Variants in COL4A5 observed in about 807,000 individuals in gnomAD.
COL4A5 encodes the protein collagen type IV alpha 5 chain, also known as collagen alpha-5(IV) chain.
Under a neutral mutation model 130.2 loss-of-function variants are expected in COL4A5, and 26 were observed. That is an observed-to-expected ratio of 0.20 (90% CI 0.15 to 0.28). The LOEUF is 0.28. Among genes scored for constraint, COL4A5 ranks in the 10% least tolerant of loss-of-function variants. The probability of loss-of-function intolerance (pLI) is 1.00; values close to 1 mark genes in which losing one functional copy is unlikely to be tolerated. For synonymous variants in COL4A5, 496 were observed against 439.6 expected (o/e 1.13, Z -1.60); for missense variants, 1,131 against 1,344.3 (o/e 0.84, Z 2.48).
chrX:108,547,031 T>A (rs2147686209), intron 2 of COL4A5, among the ~76,000 whole-genome samples: 1 of 111,963 alleles, frequency 8.9e-6, no homozygotes, highest in African/African-American at 3.2e-5. Context: ...TCAAGGTTTT[T>A]AACTTGTTTG....
chrX:108,608,938 T>G (rs1168416506), intron 29 of COL4A5, among the ~76,000 whole-genome samples: 4 of 111,681 alleles, frequency 3.6e-5, no homozygotes, highest in Non-Finnish European at 7.5e-5. Flanking sequence ...GAGGCTTCTT[T>G]CACTCAACAT....
At chrX:108,541,146 C>G (rs2065533807) in intron 2 of COL4A5, among the ~76,000 whole-genome samples, 1 of 111,970 alleles carries the variant, frequency 8.9e-6, no homozygotes, top group South Asian at 3.7e-4. Context: ...CCCATTTGAC[C>G]ATGTTATAGA....
In COL4A5 at chrX:108,580,405, A is replaced by G. The variant is rs1569490864; in HGVS notation, c.781-128A>G. The G allele has an allele frequency of 6.7e-6, 4 of 600,594 alleles. No individual in the cohort carries two copies. The South Asian group carries it at 6.7e-5, about 10-fold the overall frequency. The allele number at this position is 600,594 out of a possible 1,213,427, so 49.5% of individuals were successfully genotyped here. ...AGGATTATAGCCTCCAGCTCTAACCATGTTGCTCCAACATAGATGTAGCTG... is the reference window on the plus strand; with the variant it reads ...AGGATTATAGCCTCCAGCTCTAACCGTGTTGCTCCAACATAGATGTAGCTG... On this transcript the variant is annotated intron_variant, in intron 13 of 52. Transcript: ENST00000328300.
At chrX:108,451,165 G>C (rs1457625006) in intron 1 of COL4A5, among the ~76,000 whole-genome samples, 1 of 111,010 alleles carries the variant, frequency 9.0e-6, no homozygotes, top group East Asian at 2.8e-4. Context: ...CCCTACAAAG[G>C]ACAGGAACTC....
At chrX:108,695,513 G>T in intron 52 of COL4A5, 74 bp downstream of exon 52, 1 of 1,009,450 alleles carries the variant, frequency 9.9e-7, no homozygotes, top group Non-Finnish European at 1.4e-6. Context: ...GACAATTTAT[G>T]GATGGTTTAT....
At chrX:108,495,599 T>G (rs1310469608) in intron 1 of COL4A5, among the ~76,000 whole-genome samples, 3 of 111,783 alleles carry the variant, frequency 2.7e-5, no homozygotes, top group African/African-American at 9.8e-5. Context: ...GGGAAATTGG[T>G]GACAAAGAAA....
At chrX:108,507,263 A>G (rs28762150) in intron 1 of COL4A5, among the ~76,000 whole-genome samples, 5,199 of 94,685 alleles carry the variant, frequency 0.055, 343 homozygotes, top group African/African-American at 0.21. Context: ...AAAAAAAAAG[A>G]AAAAAAAAAA....
chrX:108,541,604 C>T (rs1356085471), intron 2 of COL4A5, among the ~76,000 whole-genome samples: 2 of 111,859 alleles, frequency 1.8e-5, no homozygotes, highest in Non-Finnish European at 3.8e-5. Context: ...GAGGGATATA[C>T]TGGAATGTAG....
Position 108,626,190 on chromosome X carries a change from A to C in COL4A5, c.3107-20A>C. On this transcript the variant is annotated intron_variant, in intron 35 of 52. Coordinates refer to ENST00000328300, the MANE Select transcript of COL4A5 (RefSeq NM_033380.3). ...TAAAGCATATTTTGTAAAATATTAT[A>C]TATCACATATTTTCAACAGGGCCTC... The C allele has an allele frequency of 5.8e-6, 7 of 1,199,596 alleles. No homozygotes were observed. Among genetic ancestry groups the C allele is most frequent in the Non-Finnish European group, 7.9e-6 (7 of 885,770 alleles).
intron 1 of COL4A5, among the ~76,000 whole-genome samples, chrX:108,452,865 G>A (rs36169226): frequency 9.0e-6 from 1 of 110,968 alleles, no homozygotes; most frequent in South Asian, 3.9e-4. Context: ...ACACTATGTT[G>A]AATAGGAGTG....
At chrX:108,603,540 T>G (rs2066678611) in intron 28 of COL4A5, among the ~76,000 whole-genome samples, 2 of 112,318 alleles carry the variant, frequency 1.8e-5, no homozygotes, top group South Asian at 3.6e-4. Context: ...GCTAAAAAAT[T>G]TTAGCAATCA....
chrX:108,628,414 C>G (rs1485144192), intron 36 of COL4A5, among the ~76,000 whole-genome samples: 1 of 111,134 alleles, frequency 9.0e-6, no homozygotes, highest in Admixed American at 9.6e-5. Context: ...TGATTTTCTC[C>G]TCATTCTACA....
At chrX:108,667,009 T>A (rs764895710) in intron 39 of COL4A5, 124 bp from the exon 40 acceptor site, 34 of 570,003 alleles carry the variant, frequency 6.0e-5, no homozygotes, top group African/African-American at 5.9e-4. Flanking sequence ...ATCTTCTGCA[T>A]GTTTCATATA....
At chrX:108,526,726 TTCC>T (rs1341729463) in intron 1 of COL4A5, among the ~76,000 whole-genome samples, 52 of 85,263 alleles carry the variant, frequency 6.1e-4, no homozygotes, top group Admixed American at 5.4e-3. Flanking sequence ...TCTTTCTTTC[TTCC>T]TCCTCCTCCT....
chrX:108,525,626 G>C (rs1373732658), intron 1 of COL4A5, among the ~76,000 whole-genome samples: 1 of 109,858 alleles, frequency 9.1e-6, no homozygotes, highest in Non-Finnish European at 1.9e-5. Context: ...GTTTAATATT[G>C]CAGTTTCTTT....
intron 3 of COL4A5, among the ~76,000 whole-genome samples, chrX:108,561,550 C>T (rs1313159101): frequency 3.7e-5 from 4 of 109,256 alleles, no homozygotes; most frequent in Non-Finnish European, 7.6e-5. Flanking sequence ...TGGCTTAGTG[C>T]CTTTTTCCAT....
chrX:108,585,650 C>T, intron 18 of COL4A5, among the ~76,000 whole-genome samples: 1 of 111,051 alleles, frequency 9.0e-6, no homozygotes, highest in Non-Finnish European at 1.9e-5. Context: ...ATCAGACTGG[C>T]AGTCTCTTAA....
chrX:108,460,489 TG>T (rs1222917835), intron 1 of COL4A5, among the ~76,000 whole-genome samples: 1 of 106,771 alleles, frequency 9.4e-6, no homozygotes, highest in East Asian at 3.0e-4. Context: ...CTAGGGTTTT[TG>T]TTTGTTTGTT....
chrX:108,655,543 C>A, intron 37 of COL4A5, 86 bp downstream of exon 37: 3 of 1,067,664 alleles, frequency 2.8e-6, no homozygotes, highest in Non-Finnish European at 3.9e-6. Context: ...ATTTGGCAGA[C>A]TTATATTTTA....
Sources: allele counts gnomAD v4.1 joint callset (sites outside exome capture counted in the v4.1 genomes callset), GRCh38; gene constraint gnomAD v4.1.1; transcripts MANE v1.5; gene names NCBI Gene and HGNC (gene_info 2026-07-23, HGNC 2026-07-21).